Variants in GTF2IRD1 observed in about 807,000 individuals in gnomAD.
The protein encoded by GTF2IRD1 is GTF2I repeat domain containing 1, also known as general transcription factor II-I repeat domain-containing protein 1.
GTF2IRD1 carries 26 observed loss-of-function variants against 113.2 expected under a neutral mutation model. The observed-to-expected ratio is 0.23, with a 90% CI of 0.17 to 0.32. GTF2IRD1 has a LOEUF of 0.32. GTF2IRD1 is among the 10% of genes least tolerant of loss of function. The pLI is 1.00. For synonymous variants in GTF2IRD1, 484 were observed against 529.1 expected (o/e 0.91, Z 1.17); for missense variants, 864 against 1,280.8 (o/e 0.67, Z 4.97).
At chr7:74,478,293 C>G (rs1449521144) in intron 1 of GTF2IRD1, among the ~76,000 whole-genome samples, 5 of 152,212 alleles carry the variant, frequency 3.3e-5, no homozygotes, top group African/African-American at 1.2e-4. Flanking sequence ...CTTGAGCAAT[C>G]GTCCCCGTCA....
At chr7:74,514,476 A>T (rs1796811375) in intron 3 of GTF2IRD1, among the ~76,000 whole-genome samples, 1 of 152,160 alleles carries the variant, frequency 6.6e-6, no homozygotes. Context: ...TAGCACCAGG[A>T]ACTCGGCTGG....
chr7:74,591,258 C>G (rs1802044408), intron 24 of GTF2IRD1, among the ~76,000 whole-genome samples: 1 of 151,224 alleles, frequency 6.6e-6, no homozygotes, highest in South Asian at 2.1e-4. Context: ...TTAAATTTGA[C>G]TTTTTCTGAC....
At chr7:74,597,626 C>G (rs1284390980) in intron 25 of GTF2IRD1, among the ~76,000 whole-genome samples, 2 of 152,078 alleles carry the variant, frequency 1.3e-5, no homozygotes, top group African/African-American at 2.4e-5. Context: ...GGATTACAGG[C>G]GTGAGCTACT....
chr7:74,582,096 C>T (rs587601898), intron 22 of GTF2IRD1, among the ~76,000 whole-genome samples: 4 of 152,298 alleles, frequency 2.6e-5, no homozygotes, highest in South Asian at 2.1e-4. Context: ...AACCAGGGTG[C>T]GTGGGCGAGC....
intron 4 of GTF2IRD1, 80 bp from the exon 5 acceptor site, chr7:74,518,059 C>T (rs1797055763): frequency 1.9e-6 from 2 of 1,038,062 alleles, no homozygotes; most frequent in Non-Finnish European, 2.7e-6. Flanking sequence ...AGCACTGCCC[C>T]CACTCTGGGG....
At chr7:74,532,755 G>A (rs1192333739) in intron 9 of GTF2IRD1, among the ~76,000 whole-genome samples, 4 of 152,116 alleles carry the variant, frequency 2.6e-5, no homozygotes, top group South Asian at 2.1e-4. Context: ...AGAAGTCACC[G>A]TCAGCCTTGC....
chr7:74,595,089 G>A lies in GTF2IRD1; in HGVS notation c.2629+38G>A, dbSNP rs375341616. On this transcript the variant is annotated intron_variant, in intron 25 of 26. Coordinates refer to ENST00000424337, the MANE Select transcript of GTF2IRD1 (RefSeq NM_005685.4). ...TGAAGAAGCCACCCTTCTGCTCCGT[G>A]GGGACTAGAGACTGTTCCATTTGAA... is the stretch of plus-strand genomic sequence containing the variant. The A allele has an allele frequency of 4.8e-6, 7 of 1,470,710 alleles. No homozygotes were observed. In the African/African-American group the frequency reaches 8.4e-5, roughly 18 times the overall value. The allele number at this position is 1,470,710 out of a possible 1,614,324, so 91.1% of individuals were successfully genotyped here. A position where few individuals can be genotyped will look rare whatever the true frequency, so the allele number is the denominator to read the frequency against.
intron 1 of GTF2IRD1, among the ~76,000 whole-genome samples, chr7:74,500,892 T>A (rs1795994889): frequency 6.6e-6 from 1 of 151,980 alleles, no homozygotes; most frequent in South Asian, 2.1e-4. Flanking sequence ...CCTGGCTAAT[T>A]TTTTTTATTT....
intron 1 of GTF2IRD1, among the ~76,000 whole-genome samples, chr7:74,460,151 A>G (rs906262515): frequency 6.6e-6 from 1 of 151,332 alleles, no homozygotes; most frequent in Non-Finnish European, 1.5e-5. Flanking sequence ...AATTTTTTGT[A>G]TTTTTGGTGG....
chr7:74,555,626 A>G lies in GTF2IRD1; in HGVS notation c.2023+132A>G. ...CAGGGCCTAAGGGACCAGGCAAGCC[A>G]GGTTGGCAGCCCAGGCCCGGCTGTA... On this transcript the variant is annotated intron_variant, in intron 19 of 26. Transcript: ENST00000424337. The surrounding 1 kb of genome is among the most constrained non-coding windows in gnomAD (Gnocchi z 5.3). 1.6e-6 allele frequency: 1 copy of G among 643,992 alleles called. No homozygotes were observed. The highest frequency in any genetic ancestry group is 2.8e-6 in the Non-Finnish European group (1 of 355,428). The allele number at this position is 643,992 out of a possible 1,614,324, so 39.9% of individuals were successfully genotyped here.
intron 17 of GTF2IRD1, among the ~76,000 whole-genome samples, chr7:74,549,480 C>T (rs1381510762): frequency 1.3e-5 from 2 of 152,152 alleles, no homozygotes; most frequent in African/African-American, 4.8e-5. Flanking sequence ...AGGGCCTGCT[C>T]TGTGCCAGGA....
chr7:74,502,844 G>T (rs782272186), intron 1 of GTF2IRD1, among the ~76,000 whole-genome samples: 9 of 152,176 alleles, frequency 5.9e-5, no homozygotes, highest in Non-Finnish European at 8.8e-5. Flanking sequence ...CACCTGGCTG[G>T]GTGTAAGAGT....
intron 22 of GTF2IRD1, among the ~76,000 whole-genome samples, chr7:74,568,981 C>G (rs1800518870): frequency 6.6e-6 from 1 of 152,140 alleles, no homozygotes; most frequent in Non-Finnish European, 1.5e-5. Flanking sequence ...TGTGCCTGCA[C>G]ACAGCTGAAA....
rs782770954 is a variant in GTF2IRD1, at chr7:74,589,874, G to A, written c.2344G>A (p.Gly782Arg). The A allele has an allele frequency of 4.6e-5, 74 of 1,611,774 alleles. No homozygotes were observed. The highest frequency in any genetic ancestry group is 5.8e-5 in the Non-Finnish European group (68 of 1,178,180). Residue 782 changes from glycine (G) to arginine (R), a missense_variant, in exon 23 of 27, where the codon GGG becomes AGG. By Grantham distance (125) the Gly-to-Arg change is moderately radical. Coordinates refer to ENST00000424337, the MANE Select transcript of GTF2IRD1 (RefSeq NM_005685.4). ...AGATGAAGATGACGCCAACAGACTC[G>A]GGGAGAAGGTGATCCTGCGGGAGCA... ...KPDEDDANRL[G>R]EKVILREQVK...
chr7:74,518,564 A>G (rs1797089877), intron 5 of GTF2IRD1, among the ~76,000 whole-genome samples: 1 of 152,200 alleles, frequency 6.6e-6, no homozygotes, highest in Admixed American at 6.5e-5. Context: ...AGAGACTTGA[A>G]GAGACATGAC....
rs782062310 is a variant in GTF2IRD1, at chr7:74,524,113, C to T, written c.1049C>T (p.Thr350Met). The change falls in exon 8 of 27, where the codon ACG becomes ATG. Residue 350 changes from threonine to methionine, a missense_variant. Transcript: ENST00000424337. Reference sequence around the variant, plus strand: ...ATAAAGGAAACCGAGGACATCAACACGCTCCGGGAGTGTGTGCAGATCCTG... The same window carrying T: ...ATAAAGGAAACCGAGGACATCAACATGCTCCGGGAGTGTGTGCAGATCCTG... Reference protein sequence around the residue: ...AFIKETEDINTLRECVQILFN... With the variant: ...AFIKETEDINMLRECVQILFN... 2.0e-5 allele frequency: 33 copies of T among 1,612,978 alleles called. No homozygotes were observed. The highest frequency in any genetic ancestry group is 5.5e-5 in the South Asian group (5 of 90,872).
intron 1 of GTF2IRD1, among the ~76,000 whole-genome samples, chr7:74,480,096 G>C (rs1268994479): frequency 2.0e-5 from 3 of 151,636 alleles, no homozygotes. Context: ...CCCCCGACTT[G>C]TATACTCATG....
chr7:74,534,872 C>T (rs1258210079), intron 9 of GTF2IRD1, among the ~76,000 whole-genome samples: 1 of 152,144 alleles, frequency 6.6e-6, no homozygotes, highest in East Asian at 1.9e-4. Context: ...CACTGCACTC[C>T]AGCCTGGGCG....
At chr7:74,475,667 C>T (rs1794360012) in intron 1 of GTF2IRD1, among the ~76,000 whole-genome samples, 1 of 152,188 alleles carries the variant, frequency 6.6e-6, no homozygotes, top group African/African-American at 2.4e-5. Flanking sequence ...AGGTTGGATG[C>T]AGGTGGCCAG....
Sources: allele counts gnomAD v4.1 joint callset (sites outside exome capture counted in the v4.1 genomes callset), GRCh38; gene constraint gnomAD v4.1.1; non-coding constraint Gnocchi (gnomAD v3.1); transcripts MANE v1.5; gene names NCBI Gene and HGNC (gene_info 2026-07-23, HGNC 2026-07-21).